The following DNAH11 variants were observed in gnomAD, a reference collection of about 807,000 sequenced individuals.
The protein encoded by DNAH11 is axonemal beta dynein heavy chain 11.
In DNAH11, 442 loss-of-function variants were observed where a neutral mutation model predicts 526.0. The observed-to-expected ratio is 0.84, with a 90% CI of 0.78 to 0.91. DNAH11 has a LOEUF of 0.91. Among genes scored for constraint, DNAH11 ranks in the 40% least tolerant of loss-of-function variants. The pLI is 0.00. For missense variants in DNAH11, 6,989 were observed against 5,448.7 expected (o/e 1.28, Z -8.90); for synonymous variants, 2,461 against 1,935.9 (o/e 1.27, Z -7.12).
At chr7:21,850,014 A>C (rs1009453288) in intron 66 of DNAH11, among the ~76,000 whole-genome samples, 2 of 150,352 alleles carry the variant, frequency 1.3e-5, no homozygotes, top group Non-Finnish European at 3.0e-5. Context: ...ACATATGTCT[A>C]AGCATACTGA....
At chr7:21,676,616 C>T (rs1782901628) in intron 30 of DNAH11, among the ~76,000 whole-genome samples, 1 of 152,194 alleles carries the variant, frequency 6.6e-6, no homozygotes, top group South Asian at 2.1e-4. Context: ...AATCATCTTC[C>T]ATTTGACTGC....
intron 46 of DNAH11, among the ~76,000 whole-genome samples, chr7:21,736,398 A>C (rs1296468394): frequency 6.6e-6 from 1 of 152,184 alleles, no homozygotes; most frequent in African/African-American, 2.4e-5. Flanking sequence ...GTAGAGAGGA[A>C]ATCACCGAAA....
intron 68 of DNAH11, among the ~76,000 whole-genome samples, chr7:21,857,291 C>G (rs2106916): frequency 1.3e-5 from 2 of 151,832 alleles, no homozygotes; most frequent in South Asian, 4.1e-4. Flanking sequence ...TCTAAAAACT[C>G]CAAAATATTG....
intron 55 of DNAH11, among the ~76,000 whole-genome samples, chr7:21,768,230 T>C (rs2127975541): frequency 6.6e-6 from 1 of 152,280 alleles, no homozygotes; most frequent in Non-Finnish European, 1.5e-5. Context: ...GGAAAAGCCA[T>C]CTGGGTAAAC....
chr7:21,763,358 A>AAAG (rs1787015860), intron 54 of DNAH11, among the ~76,000 whole-genome samples: 1 of 134,700 alleles, frequency 7.4e-6, no homozygotes. Context: ...AAAAAAAAAG[A>AAAG]AAAAAAAAAA....
intron 29 of DNAH11, among the ~76,000 whole-genome samples, chr7:21,657,343 G>A (rs1782056334): frequency 6.6e-6 from 1 of 152,122 alleles, no homozygotes; most frequent in Admixed American, 6.6e-5. Context: ...TTGAGAAAAT[G>A]GATATGCACA....
intron 25 of DNAH11, among the ~76,000 whole-genome samples, chr7:21,620,484 T>C (rs903285654): frequency 2.6e-5 from 4 of 152,056 alleles, no homozygotes; most frequent in African/African-American, 9.7e-5. Flanking sequence ...AATATTTGTC[T>C]TTTTGTTCCT....
At chr7:21,617,816 C>G (rs1336075780) in intron 23 of DNAH11, 39 bp downstream of exon 23, 1 of 1,513,060 alleles carries the variant, frequency 6.6e-7, no homozygotes, top group East Asian at 2.3e-5. Context: ...CTTTTTATGA[C>G]TGTGAAGTGT....
At chr7:21,624,864 C>G (rs1343492650) in intron 25 of DNAH11, among the ~76,000 whole-genome samples, 3 of 151,986 alleles carry the variant, frequency 2.0e-5, no homozygotes, top group Non-Finnish European at 4.4e-5. Flanking sequence ...TTTGCATATT[C>G]TTGCATTCCT....
chr7:21,759,980 C>CT (rs1786824126), intron 54 of DNAH11, among the ~76,000 whole-genome samples: 1 of 152,168 alleles, frequency 6.6e-6, no homozygotes, highest in African/African-American at 2.4e-5. Flanking sequence ...TCTGGGTTTG[C>CT]TTTTTACTTG....
intron 45 of DNAH11, among the ~76,000 whole-genome samples, chr7:21,728,058 T>G (rs958777909): frequency 3.3e-5 from 5 of 151,982 alleles, no homozygotes; most frequent in African/African-American, 9.7e-5. Flanking sequence ...CTTAATTATC[T>G]CTTTTATAAG....
Position 21,636,286 on chromosome 7 carries a change from A to T in DNAH11, c.4725+191A>T, listed in dbSNP as rs116069250. ...ATGCAGCCTGTCTAACACCTTCTGA[A>T]TGCTGCCATTACAACATGAAAGAAG... On this transcript the variant is annotated intron_variant, in intron 26 of 81. Transcript: ENST00000409508. Among the ~76,000 whole-genome samples, 3,429 of 152,306 alleles carry T rather than the reference A, an allele frequency of 0.023. 63 individuals carry two copies. Among genetic ancestry groups the T allele is most frequent in the African/African-American group, 0.04 (1,651 of 41,564 alleles).
chr7:21,716,980 C>G (rs1463697734), intron 42 of DNAH11, among the ~76,000 whole-genome samples: 1 of 151,800 alleles, frequency 6.6e-6, no homozygotes, highest in African/African-American at 2.4e-5. Flanking sequence ...GACCTGTGGT[C>G]ATACTCCTTC....
At chr7:21,849,777 C>T (rs752685183) in intron 66 of DNAH11, among the ~76,000 whole-genome samples, 2 of 152,064 alleles carry the variant, frequency 1.3e-5, no homozygotes, top group East Asian at 1.9e-4. Context: ...TTTGAATATG[C>T]AATGACTAAG....
intron 63 of DNAH11, among the ~76,000 whole-genome samples, chr7:21,812,515 A>T (rs1375709099): frequency 1.3e-5 from 2 of 151,170 alleles, no homozygotes; most frequent in Non-Finnish European, 3.0e-5. Flanking sequence ...TGAAAAAAAA[A>T]TTTTTTTTAA....
intron 65 of DNAH11, among the ~76,000 whole-genome samples, chr7:21,823,396 A>G (rs141912473): frequency 6.6e-6 from 1 of 152,080 alleles, no homozygotes; most frequent in East Asian, 1.9e-4. Flanking sequence ...GACACAGATA[A>G]TCCCCCCTCC....
At chr7:21,777,557 C>G (rs1266281022) in intron 56 of DNAH11, among the ~76,000 whole-genome samples, 1 of 152,156 alleles carries the variant, frequency 6.6e-6, no homozygotes, top group East Asian at 1.9e-4. Context: ...GAGCCAGTTT[C>G]TCAGCTCGCT....
At chr7:21,668,421 AAC>A (rs1463432696) in intron 30 of DNAH11, among the ~76,000 whole-genome samples, 1 of 152,182 alleles carries the variant, frequency 6.6e-6, no homozygotes, top group Non-Finnish European at 1.5e-5. Flanking sequence ...TTTCTCTTGT[AAC>A]ACAGCTCATT....
intron 61 of DNAH11, among the ~76,000 whole-genome samples, chr7:21,797,082 T>G (rs1178163822): frequency 6.6e-6 from 1 of 152,104 alleles, no homozygotes; most frequent in Non-Finnish European, 1.5e-5. Context: ...GAATAGAGTT[T>G]TCTATAGAGA....
Sources: gnomAD v4.1 joint callset for allele counts (sites outside exome capture counted in the v4.1 genomes callset) on GRCh38, gnomAD v4.1.1 for gene constraint, MANE v1.5 for transcripts, NCBI Gene and HGNC (gene_info 2026-07-23, HGNC 2026-07-21) for gene names.